Variants in ITGAV observed in about 807,000 individuals in gnomAD.
ITGAV encodes integrin subunit alpha V.
ITGAV carries 76 observed loss-of-function variants against 143.8 expected under a neutral mutation model. That is an observed-to-expected ratio of 0.53 (90% CI 0.44 to 0.64). ITGAV has a LOEUF of 0.64. ITGAV is among the 30% of genes least tolerant of loss of function. The pLI is 0.00. For missense variants in ITGAV, 1,193 were observed against 1,274.7 expected (o/e 0.94, Z 0.98); for synonymous variants, 453 against 446.7 (o/e 1.01, Z -0.18).
chr2:186,616,955 A>C (rs1025211811), intron 2 of ITGAV, among the ~76,000 whole-genome samples: 1 of 152,060 alleles, frequency 6.6e-6, no homozygotes, highest in Non-Finnish European at 1.5e-5. Context: ...GTTTGAAGTA[A>C]AAAGCTGCTT....
At chr2:186,662,180 T>C (rs1395540240) in intron 18 of ITGAV, among the ~76,000 whole-genome samples, 3 of 152,198 alleles carry the variant, frequency 2.0e-5, no homozygotes, top group Non-Finnish European at 4.4e-5. Flanking sequence ...ATGTTATACA[T>C]ACCTTATCAC....
chr2:186,660,788 G>A (rs1688724244), intron 18 of ITGAV, among the ~76,000 whole-genome samples: 1 of 152,088 alleles, frequency 6.6e-6, no homozygotes, highest in South Asian at 2.1e-4. Context: ...TCCTAATTTT[G>A]GAGCCTAGAA....
chr2:186,617,682 T>C (rs1321740761), intron 2 of ITGAV, among the ~76,000 whole-genome samples: 17 of 152,208 alleles, frequency 1.1e-4, no homozygotes, highest in Non-Finnish European at 2.5e-4. Flanking sequence ...GATTTAAAGA[T>C]TATGAAATAA....
intron 2 of ITGAV, among the ~76,000 whole-genome samples, chr2:186,607,548 C>T (rs1294918036): frequency 1.3e-5 from 2 of 152,050 alleles, no homozygotes; most frequent in Middle Eastern, 3.4e-3. Flanking sequence ...GTAAGGAAGA[C>T]ATAAAGCTTA....
chr2:186,653,546 T>C (rs961416271), intron 15 of ITGAV, among the ~76,000 whole-genome samples: 1 of 152,232 alleles, frequency 6.6e-6, no homozygotes, highest in Non-Finnish European at 1.5e-5. Context: ...ATTGTTATAG[T>C]TATTAAAATT....
Position 186,675,387 on chromosome 2 carries a change from C to T in ITGAV, c.2707-217C>T, listed in dbSNP as rs1689179033. Among the ~76,000 whole-genome samples, 4 of 152,132 alleles carry T rather than the reference C, an allele frequency of 2.6e-5. No homozygotes were observed. The South Asian group carries it at 6.2e-4, about 24-fold the overall frequency. ...CAACCCTTTCATTTACAAGGAACTA[C>T]ATGTGTGGCAAAAGAAGAAAAAGAA... On this transcript the variant is annotated intron_variant, in intron 26 of 29. Coordinates refer to ENST00000261023, the MANE Select transcript of ITGAV (RefSeq NM_002210.5).
intron 12 of ITGAV, among the ~76,000 whole-genome samples, chr2:186,644,470 C>T (rs1688195639): frequency 6.6e-6 from 1 of 151,870 alleles, no homozygotes; most frequent in South Asian, 2.1e-4. Context: ...GGACTACAGG[C>T]ACCCACCACC....
chr2:186,664,513 A>G lies in ITGAV; in HGVS notation c.1945A>G (p.Ile649Val), dbSNP rs774924092. 9 of 1,613,994 alleles carry G rather than the reference A, an allele frequency of 5.6e-6. No homozygotes were observed. Among genetic ancestry groups the G allele is most frequent in the Admixed American group, 1.7e-5 (1 of 60,010 alleles). The stretch of plus-strand genomic sequence containing the variant: ...TTGTAGTGATCAAAAGAAGATCTAT[A>G]TTGGGGATGACAACCCTCTGACATT... ...SVDSDQKKIYIGDDNPLTLIV... is the reference protein window; with the variant it reads ...SVDSDQKKIYVGDDNPLTLIV... Residue 649 changes from isoleucine to valine, a missense_variant, in exon 20 of 30, where the codon ATT (isoleucine) becomes GTT (valine). Physicochemically the swap from Ile to Val is conservative, Grantham distance 29. Coordinates refer to ENST00000261023, the MANE Select transcript of ITGAV (RefSeq NM_002210.5).
chr2:186,668,084 C>T (rs986298243), intron 24 of ITGAV: 1 of 155,440 alleles, frequency 6.4e-6, no homozygotes, highest in African/African-American at 2.5e-5. Flanking sequence ...ATTGAAAATA[C>T]CTATGGCAAA....
chr2:186,642,325 CT>C (rs1161521767), intron 12 of ITGAV, among the ~76,000 whole-genome samples: 3 of 151,888 alleles, frequency 2.0e-5, no homozygotes, highest in Admixed American at 2.0e-4. Context: ...CCTATGCCCC[CT>C]TAAAACCTAA....
chr2:186,614,325 G>C (rs886500327), intron 2 of ITGAV, among the ~76,000 whole-genome samples: 3 of 151,988 alleles, frequency 2.0e-5, no homozygotes, highest in African/African-American at 7.2e-5. Flanking sequence ...GTGTGTGTCT[G>C]TGTGTAAATA....
intron 16 of ITGAV, among the ~76,000 whole-genome samples, chr2:186,655,692 C>G (rs1351653338): frequency 6.6e-6 from 1 of 152,200 alleles, no homozygotes; most frequent in Non-Finnish European, 1.5e-5. Context: ...CATCCTTTTA[C>G]AATGATTCTT....
Position 186,668,843 on chromosome 2 carries a change from T to C in ITGAV, c.2515T>C (p.Leu839=). Residue 839 remains leucine (L), a synonymous_variant, in exon 25 of 30, where the codon TTG becomes CTG. Transcript: ENST00000261023. ...WPYKYNNNTL[L]YILHYDIDGP... ...TTACAAATATAATAATAACACTCTGTTGTATATCCTTCATTATGATATTGA... is the reference window on the plus strand; with the variant it reads ...TTACAAATATAATAATAACACTCTGCTGTATATCCTTCATTATGATATTGA... The C allele has an allele frequency of 1.9e-6, 3 of 1,612,808 alleles. No individual in the cohort carries two copies. The highest frequency in any genetic ancestry group is 4.5e-5 in the East Asian group (2 of 44,846).
intron 15 of ITGAV, among the ~76,000 whole-genome samples, 171 bp from the exon 16 acceptor site, chr2:186,654,479 G>T (rs1465834303): frequency 1.3e-5 from 2 of 152,130 alleles, no homozygotes; most frequent in Non-Finnish European, 2.9e-5. Context: ...ACTGAAGGAT[G>T]AGTTAGGTTA....
At chr2:186,618,194 C>T (rs1255343155) in intron 2 of ITGAV, among the ~76,000 whole-genome samples, 2 of 152,178 alleles carry the variant, frequency 1.3e-5, no homozygotes, top group Non-Finnish European at 2.9e-5. Flanking sequence ...TCCAAAAAAA[C>T]AATTTTGATT....
chr2:186,675,454 A>C, intron 26 of ITGAV, 150 bp from the exon 27 acceptor site: 1 of 612,504 alleles, frequency 1.6e-6, no homozygotes, highest in Non-Finnish European at 2.9e-6. Context: ...GCATTCATAG[A>C]CTCAACTATT....
chr2:186,626,778 G>T (rs1482562541), intron 4 of ITGAV, among the ~76,000 whole-genome samples: 1 of 152,142 alleles, frequency 6.6e-6, no homozygotes, highest in African/African-American at 2.4e-5. Context: ...AGGTTAGAAA[G>T]CATACACTGC....
intron 3 of ITGAV, 24 bp from the exon 4 acceptor site, chr2:186,625,449 C>A: frequency 1.3e-6 from 2 of 1,493,716 alleles, no homozygotes; most frequent in South Asian, 1.1e-5. Context: ...ATCTTCGTGT[C>A]GTGGACTAAA....
intron 1 of ITGAV, among the ~76,000 whole-genome samples, chr2:186,592,656 A>T (rs1686646344): frequency 1.3e-5 from 2 of 152,198 alleles, no homozygotes; most frequent in Admixed American, 1.3e-4. Context: ...CAGGGTGACT[A>T]ATCTTTGGCC....
Sources: gnomAD v4.1 joint callset for allele counts (sites outside exome capture counted in the v4.1 genomes callset) on GRCh38, gnomAD v4.1.1 for gene constraint, MANE v1.5 for transcripts, NCBI Gene and HGNC (gene_info 2026-07-23, HGNC 2026-07-21) for gene names.